TDP1: variants seen among roughly 807,000 people sequenced by gnomAD.
The protein encoded by TDP1 is tyr-DNA phosphodiesterase 1.
TDP1 carries 64 observed loss-of-function variants against 81.5 expected under a neutral mutation model. That is an observed-to-expected ratio of 0.79 (90% CI 0.64 to 0.97). TDP1 has a LOEUF of 0.97. Among genes scored for constraint, TDP1 ranks in the 50% least tolerant of loss-of-function variants. The pLI, the probability that TDP1 is intolerant of heterozygous loss-of-function variation, is 0.00. For missense variants in TDP1, 723 were observed against 743.8 expected (o/e 0.97, Z 0.33); for synonymous variants, 256 against 264.3 (o/e 0.97, Z 0.30).
At chr14:90,010,972 A>G (rs1884631129) in intron 14 of TDP1, among the ~76,000 whole-genome samples, 1 of 152,160 alleles carries the variant, frequency 6.6e-6, no homozygotes, top group Non-Finnish European at 1.5e-5. Context: ...TAGCACCCAT[A>G]ATCCCCACAT....
chr14:89,993,321 G>A, intron 13 of TDP1, 55 bp from the exon 14 acceptor site: 1 of 1,443,180 alleles, frequency 6.9e-7, no homozygotes, highest in East Asian at 2.4e-5. Context: ...CCTAATATTA[G>A]GATTATGATC....
At chr14:89,994,128 C>T (rs115825068) in intron 14 of TDP1, among the ~76,000 whole-genome samples, 2 of 152,156 alleles carry the variant, frequency 1.3e-5, no homozygotes, top group Admixed American at 6.5e-5. Flanking sequence ...CTGAACCCAA[C>T]GATTAGGCAT....
chr14:90,007,302 G>A lies in TDP1; in HGVS notation c.1542-12014G>A, dbSNP rs143542820. On this transcript the variant is annotated intron_variant, in intron 14 of 16. Transcript: ENST00000335725. ...TAACTGAATTTAAAATTCTTTGGCC[G>A]GACGCGGTGGCTCACACTGCCCATA... Among the ~76,000 whole-genome samples the A allele has an allele frequency of 7.8e-4, 119 of 152,110 alleles. 1 individual carries two copies. Among genetic ancestry groups the A allele is most frequent in the African/African-American group, 2.7e-3 (113 of 41,446 alleles).
chr14:90,037,492 A>C (rs1468828098), intron 16 of TDP1, among the ~76,000 whole-genome samples: 2 of 152,204 alleles, frequency 1.3e-5, no homozygotes, highest in Non-Finnish European at 2.9e-5. Context: ...TACACATATG[A>C]GTACTTATAT....
In TDP1 at chr14:90,019,436, A is replaced by ACTGCAC; in HGVS notation, c.1644+19_1644+24dup. ...CAGCATTTGTAAGTTTACACTTCCAACTGCACAGTGGGTCACATGGGAGAT... is the reference window on the plus strand; with the variant it reads ...CAGCATTTGTAAGTTTACACTTCCAACTGCACCTGCACAGTGGGTCACATGGGAGAT... On this transcript the variant is annotated intron_variant, in intron 15 of 16. Coordinates refer to ENST00000335725, the MANE Select transcript of TDP1 (RefSeq NM_018319.4). 1 of 1,306,406 alleles carries ACTGCAC rather than the reference A, an allele frequency of 7.7e-7. No homozygotes were observed. Among genetic ancestry groups the ACTGCAC allele is most frequent in the Non-Finnish European group, 1.1e-6 (1 of 899,360 alleles). The allele number at this position is 1,306,406 out of a possible 1,614,324, so 80.9% of individuals were successfully genotyped here.
At chr14:89,958,068 T>C (rs1891872024) in intron 2 of TDP1, among the ~76,000 whole-genome samples, 1 of 152,172 alleles carries the variant, frequency 6.6e-6, no homozygotes, top group Non-Finnish European at 1.5e-5. Flanking sequence ...ACAGGCTCCA[T>C]GTAGGGCTTG....
intron 14 of TDP1, among the ~76,000 whole-genome samples, chr14:90,002,114 A>G (rs1045174058): frequency 7.2e-5 from 11 of 152,212 alleles, no homozygotes; most frequent in African/African-American, 2.7e-4. Flanking sequence ...TAAAGAAGGT[A>G]TGTCTTCCCA....
At chr14:89,980,798 AC>A in intron 8 of TDP1, 166 bp downstream of exon 8, 1 of 649,542 alleles carries the variant, frequency 1.5e-6, no homozygotes, top group Non-Finnish European at 2.7e-6. Flanking sequence ...TTCTTTTACT[AC>A]CTGCCCCATT....
intron 14 of TDP1, among the ~76,000 whole-genome samples, chr14:90,011,742 C>A (rs538930854): frequency 1.3e-5 from 2 of 152,244 alleles, no homozygotes; most frequent in South Asian, 4.1e-4. Flanking sequence ...ATTTTGGGTG[C>A]TCTTAAAGGC....
chr14:89,980,468 A>G, intron 7 of TDP1, 72 bp from the exon 8 acceptor site: 5 of 1,486,670 alleles, frequency 3.4e-6, no homozygotes, highest in Non-Finnish European at 4.7e-6. Context: ...TATGTATTAC[A>G]TTTGCATTGG....
intron 13 of TDP1, chr14:89,993,144 A>G: frequency 1.0e-6 from 1 of 984,662 alleles, no homozygotes; most frequent in Non-Finnish European, 1.2e-6. Flanking sequence ...AAAAATGGAA[A>G]GGCTATATGC....
intron 8 of TDP1, 33 bp downstream of exon 8, chr14:89,980,665 T>C: frequency 6.5e-7 from 1 of 1,544,922 alleles, no homozygotes; most frequent in South Asian, 1.1e-5. Flanking sequence ...CCTGGCAGTG[T>C]GTGTGTTGAT....
chr14:90,042,234 G>C (rs1888429255), intron 16 of TDP1, among the ~76,000 whole-genome samples: 1 of 152,202 alleles, frequency 6.6e-6, no homozygotes, highest in Non-Finnish European at 1.5e-5. Flanking sequence ...CGTGTGACCA[G>C]CTGAGAGCTG....
chr14:89,984,865 G>A, intron 9 of TDP1, 182 bp downstream of exon 9: 1 of 985,404 alleles, frequency 1.0e-6, no homozygotes, highest in Non-Finnish European at 1.2e-6. Context: ...GCATTAAAGT[G>A]ACAGCCAGTG....
Position 89,993,438 on chromosome 14 carries a change from G to A in TDP1, c.1496G>A (p.Arg499Lys). ...ATGCCACATATTAAGACATATATGA[G>A]GCCTTCTCCAGACTTCAGTAAAATT... ...NAMPHIKTYM[R>K]PSPDFSKIAW... Residue 499 changes from arginine (R) to lysine (K), a missense_variant, in exon 14 of 17, where the codon AGG becomes AAG. Physicochemically the swap from Arg to Lys is conservative, Grantham distance 26. Coordinates refer to ENST00000335725, the MANE Select transcript of TDP1 (RefSeq NM_018319.4). The A allele has an allele frequency of 6.2e-7, 1 of 1,613,852 alleles. No individual in the cohort carries two copies.
At chr14:90,037,325 G>T (rs921578207) in intron 16 of TDP1, among the ~76,000 whole-genome samples, 4 of 152,102 alleles carry the variant, frequency 2.6e-5, no homozygotes, top group African/African-American at 9.7e-5. Context: ...AGAGTAAAGG[G>T]TGAAGAAGTA....
At chr14:90,022,998 G>A (rs1357616332) in intron 15 of TDP1, 2 of 756,628 alleles carry the variant, frequency 2.6e-6, no homozygotes, top group African/African-American at 3.4e-5. Context: ...ACTCACTTCA[G>A]TCCCACACAT....
chr14:90,011,932 AC>A (rs1202931413), intron 14 of TDP1, among the ~76,000 whole-genome samples: 5 of 152,242 alleles, frequency 3.3e-5, no homozygotes, highest in African/African-American at 1.2e-4. Flanking sequence ...AATTGCCAAG[AC>A]AATGGGGAAA....
rs34932730 is a variant in TDP1, at chr14:89,979,974, C to A, written c.792-566C>A. Among the ~76,000 whole-genome samples, 63 of 152,270 alleles carry A rather than the reference C, an allele frequency of 4.1e-4. No individual in the cohort carries two copies. In the East Asian group the frequency reaches 0.011, roughly 26 times the overall value. On this transcript the variant is annotated intron_variant, in intron 7 of 16. Coordinates refer to ENST00000335725, the MANE Select transcript of TDP1 (RefSeq NM_018319.4). ...GTGTGGCATCTATGGATACAAAAAA[C>A]CACTAATGGTAATGAAGCATCTTTT... is the stretch of plus-strand genomic sequence containing the variant.
Sources: allele counts gnomAD v4.1 joint callset (sites outside exome capture counted in the v4.1 genomes callset), GRCh38; gene constraint gnomAD v4.1.1; transcripts MANE v1.5; gene names NCBI Gene and HGNC (gene_info 2026-07-23, HGNC 2026-07-21).